Variants in MARK2 observed in about 807,000 individuals in gnomAD.
MARK2 encodes serine/threonine-protein kinase MARK2.
In MARK2, 16 loss-of-function variants were observed where a neutral mutation model predicts 89.8. The ratio of observed to expected loss-of-function variants is 0.18; its 90% CI spans 0.12 to 0.27. The LOEUF is 0.27. MARK2 is among the 10% of genes least tolerant of loss of function. MARK2 has a pLI of 1.00. For missense variants in MARK2, 621 were observed against 1,049.9 expected (o/e 0.59, Z 5.65); for synonymous variants, 382 against 399.5 (o/e 0.96, Z 0.52).
intron 1 of MARK2, chr11:63,868,445 G>C (rs1225954873): frequency 4.9e-6 from 1 of 205,074 alleles, no homozygotes; most frequent in Non-Finnish European, 1.0e-5. Flanking sequence ...TGATTCTTTG[G>C]CTGTGTAAGT....
intron 1 of MARK2, 42 bp downstream of exon 1, chr11:63,839,602 C>A: frequency 7.6e-7 from 1 of 1,307,278 alleles, no homozygotes; most frequent in South Asian, 1.3e-5. Context: ...TGGCTGGGCC[C>A]TTTGCACCTT....
At chr11:63,851,669 T>A (rs1216618513) in intron 1 of MARK2, among the ~76,000 whole-genome samples, 1 of 152,204 alleles carries the variant, frequency 6.6e-6, no homozygotes, top group East Asian at 1.9e-4. Flanking sequence ...GATCTCCGTC[T>A]GAGATCTCCT....
At chr11:63,889,239 C>T (rs961123917) in intron 1 of MARK2, among the ~76,000 whole-genome samples, 5 of 152,238 alleles carry the variant, frequency 3.3e-5, no homozygotes, top group African/African-American at 9.6e-5. Flanking sequence ...AGAGGATGCT[C>T]CCGTGCTACA....
rs915301723 is a variant in MARK2, at chr11:63,902,994, G to A, written c.1417-67G>A. The A allele has an allele frequency of 2.2e-5, 30 of 1,376,784 alleles. 1 individual carries two copies. The South Asian group carries it at 3.5e-4, about 16-fold the overall frequency. 85.3% of individuals were successfully genotyped at this position (1,376,784 alleles called of 1,614,324 possible). On this transcript the variant is annotated intron_variant, in intron 13 of 18. Coordinates refer to ENST00000402010, the MANE Select transcript of MARK2 (RefSeq NM_001039469.3). This position sits in a 1 kb window ranked among gnomAD's most constrained non-coding sequence, Gnocchi z 4.2. ...GACAGGAAGCCTGTTCCATGAACCT[G>A]GGGGGAGAACCTGGCTGTAGACCAC...
At chr11:63,878,716 G>GC (rs1022453630) in intron 1 of MARK2, among the ~76,000 whole-genome samples, 2 of 152,036 alleles carry the variant, frequency 1.3e-5, no homozygotes, top group African/African-American at 4.8e-5. Flanking sequence ...AGACTAGGGA[G>GC]CCCCCGTGTC....
chr11:63,894,116 C>G (rs1940154009), intron 1 of MARK2, among the ~76,000 whole-genome samples: 1 of 152,190 alleles, frequency 6.6e-6, no homozygotes. Flanking sequence ...TTGCTCAGAC[C>G]TAATCGTTCA....
chr11:63,855,063 G>A (rs1363642284), intron 1 of MARK2, among the ~76,000 whole-genome samples: 5 of 152,154 alleles, frequency 3.3e-5, no homozygotes, highest in African/African-American at 9.7e-5. Context: ...GTGAAAATTA[G>A]AATTTTGGAA....
chr11:63,908,871 C>A lies in MARK2; in HGVS notation c.2007-6C>A. The stretch of plus-strand genomic sequence containing the variant: ...CCCGTGACGCCCGCCTCTGCCCTCT[C>A]CACAGACCTCACGTGGTGGGCAGTG... On this transcript the variant is annotated splice_region_variant and splice_polypyrimidine_tract_variant and intron_variant, in intron 18 of 18. Transcript: ENST00000402010. 1 of 1,495,284 alleles carries A rather than the reference C, an allele frequency of 6.7e-7. No homozygotes were observed. Among genetic ancestry groups the A allele is most frequent in the South Asian group, 1.4e-5 (1 of 72,732 alleles). 92.6% of individuals were successfully genotyped at this position (1,495,284 alleles called of 1,614,324 possible). A position where few individuals can be genotyped will look rare whatever the true frequency, so the allele number is the denominator to read the frequency against.
In MARK2 at chr11:63,902,084, A is replaced by T. The variant is rs1431456489; in HGVS notation, c.1102-114A>T. 3 of 1,144,952 alleles carry T rather than the reference A, an allele frequency of 2.6e-6. No homozygotes were observed. In the African/African-American group the frequency reaches 4.7e-5, roughly 18 times the overall value. The allele number at this position is 1,144,952 out of a possible 1,614,324, so 70.9% of individuals were successfully genotyped here. ...TTGGTCTTACAAGTGGATGTCCGGT[A>T]TGATCCTGGGGTGTTTGAGTGTTGG... On this transcript the variant is annotated intron_variant, in intron 11 of 18. Coordinates refer to ENST00000402010, the MANE Select transcript of MARK2 (RefSeq NM_001039469.3). This position sits in a 1 kb window ranked among gnomAD's most constrained non-coding sequence, Gnocchi z 4.2.
rs959601802 is a variant in MARK2 at position 63,888,845 on chromosome 11, C to T, written c.55-6314C>T. The T allele has an allele frequency of 1.7e-5, 22 of 1,304,816 alleles. No homozygotes were observed. The African/African-American group carries it at 2.8e-4, about 17-fold the overall frequency. The allele number at this position is 1,304,816 out of a possible 1,614,324, so 80.8% of individuals were successfully genotyped here. On this transcript the variant is annotated intron_variant, in intron 1 of 18. Transcript: ENST00000402010. ...TAAGGGTGGCTGGCTGAGCCGGCAG[C>T]CCCCGCCCTAGGCCTGGCTCTTCCC...
At chr11:63,891,179 C>G (rs1316467637) in intron 1 of MARK2, among the ~76,000 whole-genome samples, 1 of 150,410 alleles carries the variant, frequency 6.6e-6, no homozygotes, top group African/African-American at 2.4e-5. Context: ...GTCTTGAACT[C>G]TTGGGCTCAA....
chr11:63,879,556 A>G (rs569449006), intron 1 of MARK2, among the ~76,000 whole-genome samples: 1 of 151,870 alleles, frequency 6.6e-6, no homozygotes, highest in South Asian at 2.1e-4. Flanking sequence ...TCCACAACTT[A>G]GGTGCCCTCT....
chr11:63,890,289 T>TAAGTAAGAA (rs1939736146), intron 1 of MARK2: 3 of 1,344,054 alleles, frequency 2.2e-6, no homozygotes, highest in Non-Finnish European at 2.9e-6. Context: ...GAAGAAGGGG[T>TAAGTAAGAA]GCAGGGGTAA....
intron 1 of MARK2, among the ~76,000 whole-genome samples, chr11:63,844,059 C>T (rs930023160): frequency 6.6e-6 from 1 of 152,072 alleles, no homozygotes; most frequent in Non-Finnish European, 1.5e-5. Flanking sequence ...AATGTCAGAC[C>T]AAATAGTGTC....
intron 1 of MARK2, among the ~76,000 whole-genome samples, chr11:63,870,331 C>T (rs773805684): frequency 3.3e-5 from 5 of 152,114 alleles, no homozygotes; most frequent in African/African-American, 4.8e-5. Context: ...ACCTGGGTTC[C>T]CAGAGTGTTG....
At chr11:63,894,913 C>G (rs554233436) in intron 1 of MARK2, among the ~76,000 whole-genome samples, 2 of 152,240 alleles carry the variant, frequency 1.3e-5, no homozygotes, top group African/African-American at 4.8e-5. Context: ...AGTGATGGGA[C>G]AGCTCTGCTC....
At position 63,910,460 on chromosome 11, in the gene MARK2, C is replaced by T. The variant is rs10736731; in HGVS notation, c.*1223C>T. On this transcript the variant is annotated 3_prime_UTR_variant, in exon 19 of 19. Transcript: ENST00000402010. ...GCTAAGCGACTCCCAGCTTGCTACC[C>T]TCAGTGGCCAGTGTGGGCGTGGGCG... The T allele has an allele frequency of 0.49, 74,446 of 151,966 alleles. 20,243 individuals carry two copies. Among genetic ancestry groups the T allele is most frequent in the East Asian group, 0.89 (4,556 of 5,148 alleles). The allele number at this position is 151,966 out of a possible 1,614,324, so 9.4% of individuals were successfully genotyped here. A position where few individuals can be genotyped will look rare whatever the true frequency, so the allele number is the denominator to read the frequency against.
In MARK2 at chr11:63,904,109, G is replaced by C; in HGVS notation, c.1638G>C (p.Leu546=). 6.3e-7 allele frequency: 1 copy of C among 1,598,676 alleles called. No homozygotes were observed. ...ASVHPNKASG[L]PPTESNCEVP... is the part of the protein sequence containing the mutation. ...TGCACCCCAACAAGGCCTCTGGGCTGCCCCCCACGGAGAGTAACTGTGAGG... is the reference window on the plus strand; with the variant it reads ...TGCACCCCAACAAGGCCTCTGGGCTCCCCCCCACGGAGAGTAACTGTGAGG... The change falls in exon 15 of 19, where the codon CTG becomes CTC. Residue 546 remains leucine (L), a synonymous_variant. Transcript: ENST00000402010. This position sits in a 1 kb window ranked among gnomAD's most constrained non-coding sequence, Gnocchi z 6.3.
intron 1 of MARK2, among the ~76,000 whole-genome samples, chr11:63,883,520 G>A (rs2135294768): frequency 6.6e-6 from 1 of 152,100 alleles, no homozygotes. Flanking sequence ...GATAATAATA[G>A]AATACATCAT....
Sources: gnomAD v4.1 joint callset for allele counts (sites outside exome capture counted in the v4.1 genomes callset) on GRCh38, gnomAD v4.1.1 for gene constraint, Gnocchi (gnomAD v3.1) non-coding constraint, MANE v1.5 for transcripts, NCBI Gene and HGNC (gene_info 2026-07-23, HGNC 2026-07-21) for gene names.